Variants in CDH2 observed in about 807,000 individuals in gnomAD.
CDH2 encodes cadherin 2, also known as cadherin-2.
In CDH2, 17 loss-of-function variants were observed where a neutral mutation model predicts 92.0. The observed-to-expected ratio is 0.18, with a 90% CI of 0.13 to 0.28. CDH2 has a LOEUF of 0.28. CDH2 is among the 10% of genes least tolerant of loss of function. The probability of loss-of-function intolerance (pLI) is 1.00; values close to 1 mark genes in which losing one functional copy is unlikely to be tolerated. For missense variants in CDH2, 862 were observed against 1,133.1 expected (o/e 0.76, Z 3.44); for synonymous variants, 419 against 415.9 (o/e 1.01, Z -0.09).
chr18:28,017,450 G>T (rs1257422613), intron 2 of CDH2, among the ~76,000 whole-genome samples: 1 of 151,976 alleles, frequency 6.6e-6, no homozygotes, highest in Non-Finnish European at 1.5e-5. Flanking sequence ...TGTGGTATTG[G>T]TTGTAGTATC....
chr18:28,134,525 A>G (rs1020174989), intron 2 of CDH2, among the ~76,000 whole-genome samples: 3 of 152,138 alleles, frequency 2.0e-5, no homozygotes, highest in African/African-American at 7.2e-5. Flanking sequence ...TCTGGGCAAC[A>G]TGGCATAAAC....
chr18:28,071,655 T>C (rs1324999314), intron 2 of CDH2, among the ~76,000 whole-genome samples: 1 of 152,218 alleles, frequency 6.6e-6, no homozygotes, highest in African/African-American at 2.4e-5. Context: ...GCATGCATTT[T>C]CTTAATCAGC....
chr18:28,095,041 T>C (rs1308595113), intron 2 of CDH2, among the ~76,000 whole-genome samples: 1 of 152,122 alleles, frequency 6.6e-6, no homozygotes, highest in Non-Finnish European at 1.5e-5. Flanking sequence ...TTGACTCATA[T>C]TTTTTAGTGC....
intron 5 of CDH2, among the ~76,000 whole-genome samples, chr18:28,008,481 G>T (rs913034284): frequency 6.6e-6 from 1 of 152,102 alleles, no homozygotes; most frequent in Admixed American, 6.5e-5. Flanking sequence ...GTTAGATCTA[G>T]GTGAATCTAT....
intron 2 of CDH2, among the ~76,000 whole-genome samples, chr18:28,022,114 C>T (rs2013426531): frequency 6.6e-6 from 1 of 151,844 alleles, no homozygotes; most frequent in Non-Finnish European, 1.5e-5. Flanking sequence ...AACGAATTTG[C>T]TCATAAATCT....
intron 2 of CDH2, among the ~76,000 whole-genome samples, chr18:28,103,663 CCT>C (rs1425817599): frequency 2.0e-5 from 3 of 151,790 alleles, no homozygotes; most frequent in African/African-American, 4.8e-5. Context: ...GCCCCCATCC[CCT>C]GAGAGGCCCC....
chr18:27,959,340 T>C (rs540443962), intron 15 of CDH2, among the ~76,000 whole-genome samples: 97 of 152,306 alleles, frequency 6.4e-4, no homozygotes, highest in Non-Finnish European at 9.8e-4. Flanking sequence ...CTAGAAAATG[T>C]TCTCATGAGC....
chr18:28,068,564 C>T (rs1391797206), intron 2 of CDH2, among the ~76,000 whole-genome samples: 1 of 152,160 alleles, frequency 6.6e-6, no homozygotes, highest in Non-Finnish European at 1.5e-5. Flanking sequence ...GCTTATAATG[C>T]AGATATTCTG....
chr18:28,021,011 T>C (rs2013395437), intron 2 of CDH2, among the ~76,000 whole-genome samples: 1 of 151,932 alleles, frequency 6.6e-6, no homozygotes, highest in Non-Finnish European at 1.5e-5. Context: ...TGGTTAAACA[T>C]GCTAATTATC....
At chr18:28,095,824 A>AAAAC (rs2015125021) in intron 2 of CDH2, among the ~76,000 whole-genome samples, 1 of 150,754 alleles carries the variant, frequency 6.6e-6, no homozygotes, top group Non-Finnish European at 1.5e-5. Context: ...AAAAAAAAAA[A>AAAAC]AGAAAGAAAA....
chr18:28,055,088 A>T (rs948273145), intron 2 of CDH2, among the ~76,000 whole-genome samples: 9 of 152,212 alleles, frequency 5.9e-5, no homozygotes, highest in Non-Finnish European at 1.2e-4. Flanking sequence ...TATTTACTGG[A>T]CTCACAGTTC....
Position 27,985,539 on chromosome 18 carries a change from G to C in CDH2, c.1964C>G (p.Thr655Ser), listed in dbSNP as rs946014808. The C allele has an allele frequency of 6.2e-7, 1 of 1,603,624 alleles. No individual in the cohort carries two copies. The highest frequency in any genetic ancestry group is 8.5e-7 in the Non-Finnish European group (1 of 1,170,504). ...PVTIKRNWTI[T>S]RLNGDFAQLN... ...TAACCTGTTCTTACCATTAAGCCGAGTGATGGTCCAATTTCTCTTAATAGT... is the reference window on the plus strand; with the variant it reads ...TAACCTGTTCTTACCATTAAGCCGACTGATGGTCCAATTTCTCTTAATAGT... Residue 655 changes from threonine (T) to serine (S), a missense_variant, in exon 12 of 16, where the codon ACT (threonine) becomes AGT (serine). Thr to Ser is a moderately conservative substitution (Grantham distance 58). Around this residue, in one of 5 missense-constraint regions of CDH2, gnomAD observed 564 missense variants for 722.2 expected, o/e 0.78. Coordinates refer to ENST00000269141, the MANE Select transcript of CDH2 (RefSeq NM_001792.5).
chr18:28,012,133 C>T (rs1442072699), intron 3 of CDH2, 141 bp from the exon 4 acceptor site: 4 of 639,734 alleles, frequency 6.3e-6, no homozygotes, highest in Admixed American at 6.9e-5. Context: ...TTTTCCCTGG[C>T]CCCCTATTAA....
At chr18:28,072,276 C>T (rs1430116583) in intron 2 of CDH2, among the ~76,000 whole-genome samples, 2 of 152,136 alleles carry the variant, frequency 1.3e-5, no homozygotes, top group Admixed American at 6.6e-5. Flanking sequence ...TAATCACCTA[C>T]CTGTCCACAA....
intron 1 of CDH2, among the ~76,000 whole-genome samples, chr18:28,168,377 C>T (rs897147092): frequency 3.3e-5 from 5 of 151,648 alleles, no homozygotes; most frequent in Non-Finnish European, 5.9e-5. Context: ...TATTAGTGTG[C>T]GAAAAAGTAA....
intron 2 of CDH2, among the ~76,000 whole-genome samples, chr18:28,139,152 G>T (rs2015912279): frequency 6.6e-6 from 1 of 151,954 alleles, no homozygotes; most frequent in Admixed American, 6.6e-5. Flanking sequence ...GTGTTAGAGT[G>T]GTTCTAAAAA....
At chr18:27,955,384 AAG>A (rs1232129767) in intron 15 of CDH2, among the ~76,000 whole-genome samples, 9 of 86,210 alleles carry the variant, frequency 1.0e-4, no homozygotes, top group Non-Finnish European at 2.0e-4. Flanking sequence ...AAAAAAAAAA[AAG>A]AAAAAGAAAG....
intron 2 of CDH2, among the ~76,000 whole-genome samples, chr18:28,014,821 A>T (rs2013197591): frequency 6.6e-6 from 1 of 151,966 alleles, no homozygotes. Context: ...CTTGTGTAGA[A>T]CTAGACAAAT....
rs116511413 is a variant in CDH2 at position 27,999,807 on chromosome 18, T to C, written c.1020+3190A>G. 6.0e-3 allele frequency among the ~76,000 whole-genome samples: 910 copies of C among 152,026 alleles called. 7 individuals carry two copies. Among genetic ancestry groups the C allele is most frequent in the African/African-American group, 0.02 (835 of 41,464 alleles). On this transcript the variant is annotated intron_variant, in intron 7 of 15. Coordinates refer to ENST00000269141, the MANE Select transcript of CDH2 (RefSeq NM_001792.5). ...CCCACCCAAATCTCACCTTGAATTG[T>C]AATCCTCATAATACCCATGTGTCAA...
Sources: allele counts gnomAD v4.1 joint callset (sites outside exome capture counted in the v4.1 genomes callset), GRCh38; gene constraint gnomAD v4.1.1; regional missense constraint gnomAD v4.1.1; transcripts MANE v1.5; gene names NCBI Gene and HGNC (gene_info 2026-07-23, HGNC 2026-07-21).